The following KSR2 variants were observed in gnomAD, a reference collection of about 807,000 sequenced individuals.
The protein encoded by KSR2 is kinase suppressor of ras 2.
In KSR2, 25 loss-of-function variants were observed where a neutral mutation model predicts 107.8. That is an observed-to-expected ratio of 0.23 (90% CI 0.17 to 0.32). The LOEUF is 0.32. Ranked by LOEUF, KSR2 falls within the 10% of genes least tolerant of loss-of-function variation. The pLI, the probability that KSR2 is intolerant of heterozygous loss-of-function variation, is 1.00. For synonymous variants in KSR2, 480 were observed against 507.0 expected, an observed-to-expected ratio of 0.95 and a Z score of 0.71; for missense variants, 887 against 1,268.9, an observed-to-expected ratio of 0.70 and a Z score of 4.57.
intron 3 of KSR2, among the ~76,000 whole-genome samples, chr12:117,819,190 T>A (rs472758): frequency 0.84 from 127,068 of 152,068 alleles, 53,560 homozygotes; most frequent in Middle Eastern, 0.97. Context: ...TTTGAGCTCA[T>A]TCAAGGATTG....
intron 4 of KSR2, among the ~76,000 whole-genome samples, chr12:117,693,146 A>G (rs1222888383): frequency 6.6e-6 from 1 of 152,190 alleles, no homozygotes. Context: ...TGGGAGGCCG[A>G]GGTTCTGGAG....
chr12:117,950,746 A>T (rs28730971), intron 1 of KSR2, among the ~76,000 whole-genome samples: 39 of 55,514 alleles, frequency 7.0e-4, no homozygotes, highest in African/African-American at 1.9e-3. Context: ...GTAAAAAAAA[A>T]AAAAATAATA....
intron 4 of KSR2, among the ~76,000 whole-genome samples, chr12:117,670,265 G>C (rs1186986915): frequency 6.6e-6 from 1 of 152,222 alleles, no homozygotes; most frequent in Admixed American, 6.5e-5. Flanking sequence ...TGTTACCACT[G>C]CTTTGATTTG....
intron 1 of KSR2, among the ~76,000 whole-genome samples, chr12:117,864,443 G>A (rs141513388): frequency 5.9e-5 from 9 of 152,068 alleles, no homozygotes; most frequent in East Asian, 1.9e-4. Flanking sequence ...CATGCATTGC[G>A]CACACACACA....
intron 14 of KSR2, among the ~76,000 whole-genome samples, chr12:117,519,319 G>A (rs1874588696): frequency 6.6e-6 from 1 of 152,182 alleles, no homozygotes; most frequent in African/African-American, 2.4e-5. Context: ...CAGGTGGGAG[G>A]AAGGACCCGC....
chr12:117,632,218 CTTTTTTTTT>C (rs544594793), intron 5 of KSR2, among the ~76,000 whole-genome samples: 2 of 84,028 alleles, frequency 2.4e-5, no homozygotes, highest in Non-Finnish European at 4.3e-5. Flanking sequence ...AGTCCTACTC[CTTTTTTTTT>C]TTTTTTTTTT....
chr12:117,616,275 GAGA>G (rs1338184192), intron 5 of KSR2, among the ~76,000 whole-genome samples: 1 of 151,782 alleles, frequency 6.6e-6, no homozygotes, highest in East Asian at 1.9e-4. Flanking sequence ...TGGAAAAAAA[GAGA>G]AGAAAAAGAT....
intron 3 of KSR2, among the ~76,000 whole-genome samples, chr12:117,818,369 C>A (rs1016493544): frequency 3.9e-5 from 6 of 152,004 alleles, no homozygotes; most frequent in Admixed American, 2.6e-4. Context: ...GCCTAGGGCA[C>A]GTTGTGTGCC....
chr12:117,469,594 G>C, intron 19 of KSR2, 68 bp downstream of exon 19: 1 of 1,564,328 alleles, frequency 6.4e-7, no homozygotes, highest in Admixed American at 1.8e-5. Context: ...AGATGCAGAG[G>C]GGATCAAAAA....
rs781265155 is a variant in KSR2 at position 117,853,227 on chromosome 12, A to T, written c.472+2201T>A. 1.9e-4 allele frequency among the ~76,000 whole-genome samples: 29 copies of T among 152,352 alleles called. 1 individual carries two copies. Among genetic ancestry groups the T allele is most frequent in the Admixed American group, 1.3e-3 (20 of 15,304 alleles). On this transcript the variant is annotated intron_variant, in intron 3 of 19. Coordinates refer to ENST00000339824, the MANE Select transcript of KSR2 (RefSeq NM_173598.6). Reference sequence around the variant, plus strand: ...AGCAGCGTTGCTTATGATAGGAAAAATATGGATATTTCCAAAAATAGGAGA... The same window carrying T: ...AGCAGCGTTGCTTATGATAGGAAAATTATGGATATTTCCAAAAATAGGAGA...
At chr12:117,551,774 G>GCCCTATGAT (rs1480656852) in intron 9 of KSR2, among the ~76,000 whole-genome samples, 1 of 152,164 alleles carries the variant, frequency 6.6e-6, no homozygotes, top group Non-Finnish European at 1.5e-5. Context: ...AAATAACGCA[G>GCCCTATGAT]CCCTATGATA....
At chr12:117,905,870 T>C (rs1185840006) in intron 1 of KSR2, among the ~76,000 whole-genome samples, 1 of 148,650 alleles carries the variant, frequency 6.7e-6, no homozygotes, top group Non-Finnish European at 1.5e-5. Flanking sequence ...TTTGATTCCA[T>C]GATCTGGAAA....
At chr12:117,820,526 G>A (rs1455178570) in intron 3 of KSR2, among the ~76,000 whole-genome samples, 2 of 152,110 alleles carry the variant, frequency 1.3e-5, no homozygotes, top group South Asian at 2.1e-4. Context: ...AAATCAGATC[G>A]TTGTCTTGCA....
At chr12:117,843,936 T>C (rs1892600342) in intron 3 of KSR2, among the ~76,000 whole-genome samples, 1 of 151,400 alleles carries the variant, frequency 6.6e-6, no homozygotes. Flanking sequence ...TCCCTTTTTT[T>C]TTTTTTTTTT....
intron 5 of KSR2, among the ~76,000 whole-genome samples, chr12:117,595,686 A>G (rs1880604089): frequency 1.3e-5 from 2 of 152,296 alleles, no homozygotes; most frequent in East Asian, 3.9e-4. Context: ...TTCTAATGTG[A>G]CCATTTAAAA....
chr12:117,706,950 T>C (rs932246323), intron 4 of KSR2, among the ~76,000 whole-genome samples: 2 of 152,078 alleles, frequency 1.3e-5, no homozygotes, highest in African/African-American at 4.8e-5. Context: ...AATTGAAACA[T>C]CCCAAATGCC....
At chr12:117,542,890 TTCTC>T (rs757876926) in intron 9 of KSR2, among the ~76,000 whole-genome samples, 1 of 152,260 alleles carries the variant, frequency 6.6e-6, no homozygotes, top group Non-Finnish European at 1.5e-5. Context: ...CTCAGAATAA[TTCTC>T]TATAGATTCA....
At chr12:117,947,200 G>GA (rs748350410) in intron 1 of KSR2, among the ~76,000 whole-genome samples, 12,086 of 58,994 alleles carry the variant, frequency 0.2, 850 homozygotes, top group Middle Eastern at 0.29. Flanking sequence ...AGAAAGAAAA[G>GA]AAAGAAAAGA....
chr12:117,837,859 ACTCAAAGCAACAGGTT>A (rs1555247793), intron 3 of KSR2, among the ~76,000 whole-genome samples: 1 of 152,158 alleles, frequency 6.6e-6, no homozygotes, highest in Non-Finnish European at 1.5e-5. Context: ...CACCCTCCCA[ACTCAAAGCAACAGGTT>A]CTCTGTGTGG....
Sources: gnomAD v4.1 joint callset for allele counts (sites outside exome capture counted in the v4.1 genomes callset) on GRCh38, gnomAD v4.1.1 for gene constraint, MANE v1.5 for transcripts, NCBI Gene and HGNC (gene_info 2026-07-23, HGNC 2026-07-21) for gene names.